RAPGEF6: variants seen among roughly 807,000 people sequenced by gnomAD.
RAPGEF6 encodes the protein Rap guanine nucleotide exchange factor 6.
Under a neutral mutation model 171.4 loss-of-function variants are expected in RAPGEF6, and 56 were observed. That is an observed-to-expected ratio of 0.33 (90% CI 0.26 to 0.41). RAPGEF6 has a LOEUF of 0.41. Ranked by LOEUF, RAPGEF6 falls within the 10% of genes least tolerant of loss-of-function variation. RAPGEF6 has a pLI of 1.00. For synonymous variants in RAPGEF6, 692 were observed against 650.1 expected (o/e 1.06, Z -0.98); for missense variants, 1,674 against 1,921.4 (o/e 0.87, Z 2.41).
chr5:131,552,121 A>T (rs1004780283), intron 5 of RAPGEF6, among the ~76,000 whole-genome samples: 2 of 152,078 alleles, frequency 1.3e-5, no homozygotes, highest in African/African-American at 2.4e-5. Flanking sequence ...AGTGAAATAG[A>T]CAAGAGATGA....
chr5:131,478,054 T>C (rs1755230462), intron 16 of RAPGEF6, among the ~76,000 whole-genome samples: 1 of 151,748 alleles, frequency 6.6e-6, no homozygotes. Flanking sequence ...TTCAAAATTT[T>C]GGTATTTTAA....
rs1288653344 is a variant in RAPGEF6 at position 131,425,542 on chromosome 5, C to A, written c.*1724G>T. ...AGAAAGCTATGGAACCACCAAGCCT[C>A]ATTCTATCATACCTGCGATTAATTT... On this transcript the variant is annotated 3_prime_UTR_variant, in exon 28 of 28. Transcript: ENST00000509018. 6.6e-6 allele frequency: 1 copy of A among 152,350 alleles called. No individual in the cohort carries two copies. Among genetic ancestry groups the A allele is most frequent in the East Asian group, 1.9e-4 (1 of 5,340 alleles). The allele number at this position is 152,350 out of a possible 1,614,324, so 9.4% of individuals were successfully genotyped here. A position where few individuals can be genotyped will look rare whatever the true frequency, so the allele number is the denominator to read the frequency against.
intron 4 of RAPGEF6, among the ~76,000 whole-genome samples, chr5:131,569,067 G>C (rs921719346): frequency 1.3e-5 from 2 of 152,092 alleles, no homozygotes; most frequent in Non-Finnish European, 2.9e-5. Context: ...AAATATTGCT[G>C]AAAGAAATAA....
chr5:131,480,605 A>G (rs1403216191), intron 15 of RAPGEF6, among the ~76,000 whole-genome samples: 1 of 152,072 alleles, frequency 6.6e-6, no homozygotes, highest in East Asian at 2.0e-4. Flanking sequence ...CGGCTTCCAG[A>G]GTAGCTAGGA....
intron 1 of RAPGEF6, among the ~76,000 whole-genome samples, chr5:131,625,840 G>A (rs1467406882): frequency 6.6e-6 from 1 of 151,570 alleles, no homozygotes; most frequent in East Asian, 1.9e-4. Flanking sequence ...ATACTTCTTG[G>A]TTTCCATATT....
intron 17 of RAPGEF6, among the ~76,000 whole-genome samples, chr5:131,471,450 G>A (rs1217456641): frequency 6.6e-6 from 1 of 151,902 alleles, no homozygotes; most frequent in African/African-American, 2.4e-5. Context: ...TTCTAATACC[G>A]AGATGGAACT....
intron 1 of RAPGEF6, among the ~76,000 whole-genome samples, chr5:131,606,195 C>G (rs12332776): frequency 6.6e-6 from 1 of 151,482 alleles, no homozygotes; most frequent in Admixed American, 6.6e-5. Flanking sequence ...AAACTTGCCT[C>G]TACAAAAAAT....
intron 6 of RAPGEF6, among the ~76,000 whole-genome samples, chr5:131,537,310 G>C (rs1759837644): frequency 6.6e-6 from 1 of 152,172 alleles, no homozygotes; most frequent in Non-Finnish European, 1.5e-5. Context: ...AACTGCCCCA[G>C]ACAACCAGAG....
chr5:131,511,611 C>T (rs553899385), intron 7 of RAPGEF6, among the ~76,000 whole-genome samples: 75 of 151,872 alleles, frequency 4.9e-4, no homozygotes, highest in African/African-American at 1.8e-3. Flanking sequence ...ATCCTCTCTC[C>T]TGAACGCCCT....
chr5:131,485,073 C>T (rs886967259), intron 15 of RAPGEF6, among the ~76,000 whole-genome samples: 9 of 152,164 alleles, frequency 5.9e-5, no homozygotes, highest in South Asian at 2.1e-4. Flanking sequence ...ACTACAGGTG[C>T]ATGCTACCAT....
intron 6 of RAPGEF6, among the ~76,000 whole-genome samples, chr5:131,547,504 C>A (rs1338942588): frequency 6.8e-6 from 1 of 146,558 alleles, no homozygotes; most frequent in Non-Finnish European, 1.5e-5. Flanking sequence ...GAAGACACAG[C>A]TTACTTTTTT....
At position 131,505,551 on chromosome 5, in the gene RAPGEF6, T is replaced by A. The variant is rs575998185; in HGVS notation, c.943-29A>T. On this transcript the variant is annotated intron_variant, in intron 9 of 27. Transcript: ENST00000509018. ...TAGAGAAAAACAAAGGTTTTATGAA[T>A]CTTTTTAAAAAAGGTAGTTACATGT... is the stretch of plus-strand genomic sequence containing the variant. 5.7e-6 allele frequency: 9 copies of A among 1,579,600 alleles called. No homozygotes were observed. In the East Asian group the frequency reaches 1.1e-4, roughly 20 times the overall value.
intron 1 of RAPGEF6, among the ~76,000 whole-genome samples, chr5:131,614,977 T>C (rs1258062797): frequency 6.6e-6 from 1 of 152,218 alleles, no homozygotes; most frequent in Non-Finnish European, 1.5e-5. Flanking sequence ...CAGCATCATT[T>C]AGGAACTTTG....
intron 4 of RAPGEF6, among the ~76,000 whole-genome samples, chr5:131,566,801 C>G (rs1436191355): frequency 1.3e-5 from 2 of 150,704 alleles, no homozygotes; most frequent in African/African-American, 4.9e-5. Flanking sequence ...TTATTGATAG[C>G]AAGTTGATCA....
intron 14 of RAPGEF6, among the ~76,000 whole-genome samples, chr5:131,491,629 C>T (rs979359663): frequency 6.6e-6 from 1 of 152,154 alleles, no homozygotes; most frequent in African/African-American, 2.4e-5. Flanking sequence ...GCCTGACCTC[C>T]ACCTCCTGTT....
rs1057027335 is a variant in RAPGEF6, at chr5:131,426,466, AT to A, written c.*799del. The A allele has an allele frequency of 6.6e-6, 1 of 152,336 alleles. No homozygotes were observed. The allele number at this position is 152,336 out of a possible 1,614,324, so 9.4% of individuals were successfully genotyped here. On this transcript the variant is annotated 3_prime_UTR_variant, in exon 28 of 28. Coordinates refer to ENST00000509018, the MANE Select transcript of RAPGEF6 (RefSeq NM_016340.6). ...TTAAGGAAGAATTTGTATACATGTC[AT>A]TTAACATCAAAATTTCATTCTGTGG... is the stretch of plus-strand genomic sequence containing the variant.
At chr5:131,507,168 ATAT>A (rs1250533240) in intron 9 of RAPGEF6, among the ~76,000 whole-genome samples, 4 of 58,776 alleles carry the variant, frequency 6.8e-5, no homozygotes, top group African/African-American at 2.3e-4. Context: ...AATATATGTA[ATAT>A]TATATATTAT....
At position 131,498,825 on chromosome 5, in the gene RAPGEF6, T is replaced by C. The variant is rs147792543; in HGVS notation, c.1255-218A>G. Among the ~76,000 whole-genome samples the C allele has an allele frequency of 4.6e-3, 697 of 152,276 alleles. 5 individuals are homozygous for C. Among genetic ancestry groups the C allele is most frequent in the African/African-American group, 0.016 (655 of 41,568 alleles). Reference sequence around the variant, plus strand: ...GAGACAGAAAAGGCAGAGAAATAAATAGCCAACAGCACTCACTCAGCTGAA... The same window carrying C: ...GAGACAGAAAAGGCAGAGAAATAAACAGCCAACAGCACTCACTCAGCTGAA... On this transcript the variant is annotated intron_variant, in intron 11 of 27. Coordinates refer to ENST00000509018, the MANE Select transcript of RAPGEF6 (RefSeq NM_016340.6).
At chr5:131,627,780 A>C (rs13174006) in intron 1 of RAPGEF6, among the ~76,000 whole-genome samples, 1 of 152,048 alleles carries the variant, frequency 6.6e-6, no homozygotes, top group African/African-American at 2.4e-5. Context: ...AGCAAGTCCA[A>C]CAGCACCATT....
Sources: gnomAD v4.1 joint callset for allele counts (sites outside exome capture counted in the v4.1 genomes callset) on GRCh38, gnomAD v4.1.1 for gene constraint, MANE v1.5 for transcripts, NCBI Gene and HGNC (gene_info 2026-07-23, HGNC 2026-07-21) for gene names.